The following MET variants were observed in gnomAD, a reference collection of about 807,000 sequenced individuals.
MET encodes MET proto-oncogene, receptor tyrosine kinase.
A neutral mutation model predicts 133.1 loss-of-function variants in MET; 48 were observed. The ratio of observed to expected loss-of-function variants is 0.36; its 90% CI spans 0.29 to 0.46. The LOEUF (loss-of-function observed/expected upper bound fraction) is 0.46, where lower values mean the gene tolerates loss of function less well. Ranked by LOEUF, MET falls within the 20% of genes least tolerant of loss-of-function variation. The pLI, the probability that MET is intolerant of heterozygous loss-of-function variation, is 1.00. For synonymous variants in MET, 628 were observed against 616.5 expected (o/e 1.02, Z -0.28); for missense variants, 1,442 against 1,695.9 (o/e 0.85, Z 2.63).
intron 19 of MET, among the ~76,000 whole-genome samples, chr7:116,790,562 G>T (rs985823701): frequency 1.3e-5 from 2 of 152,148 alleles, no homozygotes; most frequent in East Asian, 3.9e-4. Flanking sequence ...GAATAGTGCC[G>T]CAGTGGCCAT....
intron 19 of MET, among the ~76,000 whole-genome samples, chr7:116,787,577 C>A (rs1327211585): frequency 1.3e-5 from 2 of 152,216 alleles, no homozygotes; most frequent in Non-Finnish European, 2.9e-5. Flanking sequence ...AACAAACCCC[C>A]TTCCACAATA....
At chr7:116,730,827 T>G (rs1017261560) in intron 2 of MET, among the ~76,000 whole-genome samples, 1 of 152,014 alleles carries the variant, frequency 6.6e-6, no homozygotes, top group Non-Finnish European at 1.5e-5. Context: ...GAATCTGAGG[T>G]CTCTGAGACA....
chr7:116,702,674 A>G (rs1376356507), intron 2 of MET, among the ~76,000 whole-genome samples: 1 of 152,170 alleles, frequency 6.6e-6, no homozygotes, highest in African/African-American at 2.4e-5. Flanking sequence ...AGACACACAT[A>G]TTGTAGTTTT....
chr7:116,753,785 G>C (rs1794021035), intron 5 of MET, among the ~76,000 whole-genome samples: 2 of 152,092 alleles, frequency 1.3e-5, no homozygotes, highest in Admixed American at 1.3e-4. Context: ...CAACTAACCA[G>C]CCTGGTATAC....
intron 1 of MET, among the ~76,000 whole-genome samples, chr7:116,675,966 TTTG>T (rs931841521): frequency 6.6e-6 from 1 of 152,218 alleles, no homozygotes; most frequent in Non-Finnish European, 1.5e-5. Flanking sequence ...CCGCTTGGGA[TTTG>T]TTTCAATAAA....
chr7:116,766,183 A>C (rs1020661903), intron 11 of MET, among the ~76,000 whole-genome samples: 2 of 152,198 alleles, frequency 1.3e-5, no homozygotes, highest in Non-Finnish European at 2.9e-5. Context: ...ATATCTTATG[A>C]AAAGTAGAAA....
In MET at chr7:116,725,164, A is replaced by G. The variant is rs187353241; in HGVS notation, c.1201-6504A>G. ...ATCAACAATTAGGATTCAAATGCTA[A>G]TATTTATTGACTCAACTCTCTGAAT... On this transcript the variant is annotated intron_variant, in intron 2 of 20. Coordinates refer to ENST00000397752, the MANE Select transcript of MET (RefSeq NM_000245.4). Among the ~76,000 whole-genome samples, 626 of 152,298 alleles carry G rather than the reference A, an allele frequency of 4.1e-3. 15 individuals are homozygous for G. Among genetic ancestry groups the G allele is most frequent in the Admixed American group, 0.039 (589 of 15,298 alleles).
At chr7:116,718,231 A>T (rs1053874864) in intron 2 of MET, among the ~76,000 whole-genome samples, 2 of 152,082 alleles carry the variant, frequency 1.3e-5, no homozygotes, top group African/African-American at 2.4e-5. Context: ...TAATAAAAAT[A>T]CAAAAAAGTT....
chr7:116,768,232 C>T (rs1473110442), intron 11 of MET, among the ~76,000 whole-genome samples: 2 of 152,062 alleles, frequency 1.3e-5, no homozygotes, highest in East Asian at 3.9e-4. Flanking sequence ...ATCCCTTCCC[C>T]CAACCTTAGT....
At chr7:116,792,195 C>A (rs533068280) in intron 19 of MET, among the ~76,000 whole-genome samples, 38 of 152,078 alleles carry the variant, frequency 2.5e-4, no homozygotes, top group South Asian at 1.0e-3. Flanking sequence ...CAGTAGCAAC[C>A]CTGTCTATCA....
chr7:116,676,011 T>C (rs1469145170), intron 1 of MET, among the ~76,000 whole-genome samples: 3 of 152,216 alleles, frequency 2.0e-5, no homozygotes, highest in African/African-American at 4.8e-5. Flanking sequence ...ACTTTGCTTT[T>C]CATGGGACAA....
In MET at chr7:116,699,917, T is replaced by C; in HGVS notation, c.833T>C (p.Ile278Thr). Residue 278 changes from isoleucine (I) to threonine (T), a missense_variant, in exon 2 of 21, where the codon ATA becomes ACA. Transcript: ENST00000397752. ...TLDAQTFHTRIIRFCSINSGL... is the reference protein window; with the variant it reads ...TLDAQTFHTRTIRFCSINSGL... The stretch of plus-strand genomic sequence containing the variant: ...GATGCTCAGACTTTTCACACAAGAA[T>C]AATCAGGTTCTGTTCCATAAACTCT... 6.2e-7 allele frequency: 1 copy of C among 1,614,110 alleles called. No individual in the cohort carries two copies. The highest frequency in any genetic ancestry group is 8.5e-7 in the Non-Finnish European group (1 of 1,179,982).
At chr7:116,716,488 AG>A (rs1201620008) in intron 2 of MET, among the ~76,000 whole-genome samples, 1 of 140,888 alleles carries the variant, frequency 7.1e-6, no homozygotes, top group Admixed American at 7.0e-5. Context: ...AAAGAAAGAA[AG>A]AAAGAAAGAA....
intron 1 of MET, among the ~76,000 whole-genome samples, chr7:116,689,071 T>C (rs1340861449): frequency 2.0e-5 from 3 of 152,214 alleles, no homozygotes; most frequent in African/African-American, 7.2e-5. Flanking sequence ...AAATAAAGCA[T>C]GTAAATCAAT....
At position 116,769,710 on chromosome 7, in the gene MET, G is replaced by A. The variant is rs774885631; in HGVS notation, c.2649G>A (p.Glu883=). The part of the protein sequence containing the change: ...EVLKVGNKSC[E]NIHLHSEAVL... ...TAAAAGTTGGAAATAAGAGCTGTGA[G>A]AATATACACTTACATTCTGAAGCCG... The change falls in exon 12 of 21, where the codon GAG becomes GAA. Residue 883 remains glutamate (E), a synonymous_variant. Transcript: ENST00000397752. 6.2e-7 allele frequency: 1 copy of A among 1,613,280 alleles called. No individual in the cohort carries two copies.
rs45483396 is a variant in MET at position 116,699,716 on chromosome 7, T to G, written c.632T>G (p.Leu211Trp). 141 of 1,614,102 alleles carry G rather than the reference T, an allele frequency of 8.7e-5. 2 individuals carry two copies. The East Asian group carries it at 2.5e-3, about 29-fold the overall frequency. ...INSSYFPDHPLHSISVRRLKE... is the reference protein window; with the variant it reads ...INSSYFPDHPWHSISVRRLKE... The stretch of plus-strand genomic sequence containing the variant: ...TCTTCTTATTTCCCAGATCATCCAT[T>G]GCATTCGATATCAGTGAGAAGGCTA... Residue 211 changes from leucine (L) to tryptophan (W), a missense_variant, in exon 2 of 21, where the codon TTG becomes TGG. This residue lies in a region of MET where 762 missense variants were observed against 792.4 expected (regional missense o/e 0.96). Transcript: ENST00000397752.
intron 1 of MET, among the ~76,000 whole-genome samples, chr7:116,691,918 A>G (rs1796791644): frequency 6.6e-6 from 1 of 152,194 alleles, no homozygotes; most frequent in Admixed American, 6.6e-5. Context: ...AAAGATGTAG[A>G]CCATGTGATT....
At chr7:116,722,814 C>T in intron 2 of MET, among the ~76,000 whole-genome samples, 1 of 152,096 alleles carries the variant, frequency 6.6e-6, no homozygotes, top group East Asian at 1.9e-4. Flanking sequence ...TTGGCCCCCA[C>T]TCTCTTCTGG....
intron 1 of MET, among the ~76,000 whole-genome samples, chr7:116,696,297 A>G (rs1357998666): frequency 6.6e-6 from 1 of 152,178 alleles, no homozygotes; most frequent in Non-Finnish European, 1.5e-5. Flanking sequence ...AGGGAAGGGC[A>G]TCATGTCTTT....
Sources: allele counts gnomAD v4.1 joint callset (sites outside exome capture counted in the v4.1 genomes callset), GRCh38; gene constraint gnomAD v4.1.1; regional missense constraint gnomAD v4.1.1; transcripts MANE v1.5; gene names NCBI Gene and HGNC (gene_info 2026-07-23, HGNC 2026-07-21).